Variants in DNAH14 observed in about 807,000 individuals in gnomAD.
DNAH14 encodes the protein dynein axonemal heavy chain 14.
Under a neutral mutation model 520.9 loss-of-function variants are expected in DNAH14, and 478 were observed. The ratio of observed to expected loss-of-function variants is 0.92; its 90% CI spans 0.85 to 0.99. DNAH14 has a LOEUF of 0.99. Ranked by LOEUF, DNAH14 falls within the 50% of genes least tolerant of loss-of-function variation. The pLI is 0.00. For synonymous variants in DNAH14, 1,581 were observed against 1,757.2 expected (o/e 0.90, Z 2.51); for missense variants, 4,831 against 5,234.5 (o/e 0.92, Z 2.38).
At chr1:225,304,081 A>G (rs2094193371) in intron 57 of DNAH14, among the ~76,000 whole-genome samples, 1 of 152,206 alleles carries the variant, frequency 6.6e-6, no homozygotes, top group South Asian at 2.1e-4. Flanking sequence ...GAGATGAATC[A>G]TCAGGACTAG....
chr1:225,043,049 A>T lies in DNAH14; in HGVS notation c.1703A>T (p.Glu568Val), dbSNP rs748925888. ...KDNCVKKHSS[E>V]ELLPKAKKSK... ...AATTGTGTCAAAAAACACTCAAGTG[A>T]AGAATTGCTCCCAAAAGCCAAGAAA... The change falls in exon 13 of 86, where the codon GAA becomes GTA. Residue 568 changes from glutamate (E) to valine (V), a missense_variant. Physicochemically the swap from Glu to Val is moderately radical, Grantham distance 121. Coordinates refer to ENST00000682510, the MANE Select transcript of DNAH14 (RefSeq NM_001367479.1). 94 of 1,551,604 alleles carry T rather than the reference A, an allele frequency of 6.1e-5. No homozygotes were observed. The highest frequency in any genetic ancestry group is 3.1e-4 in the South Asian group (26 of 84,062).
chr1:225,023,921 G>A, intron 11 of DNAH14, 56 bp downstream of exon 11: 2 of 1,467,900 alleles, frequency 1.4e-6, no homozygotes, highest in East Asian at 2.5e-5. Flanking sequence ...TTTTAACATT[G>A]CCACATATGG....
At chr1:225,065,464 A>G (rs1171805051) in intron 17 of DNAH14, among the ~76,000 whole-genome samples, 4 of 151,210 alleles carry the variant, frequency 2.6e-5, no homozygotes, top group Admixed American at 1.3e-4. Context: ...ACAACAACAC[A>G]CAAATCTTAC....
At chr1:225,283,825 C>T (rs181742752) in intron 54 of DNAH14, among the ~76,000 whole-genome samples, 8 of 152,052 alleles carry the variant, frequency 5.3e-5, no homozygotes, top group South Asian at 2.1e-4. Context: ...TGAAATCATA[C>T]GAAGTATGTT....
Position 225,147,206 on chromosome 1 carries a change from C to T in DNAH14, c.4897C>T (p.Gln1633Ter), listed in dbSNP as rs1401821688. The T allele has an allele frequency of 4.5e-6, 7 of 1,550,130 alleles. No individual in the cohort carries two copies. In the African/African-American group the frequency reaches 8.2e-5, roughly 18 times the overall value. ...GGAAGTTCTCTCTGTCATTGCCTCA[C>T]AGATCCTAACAATTAAGGCTGCAAA... ...DLEVLSVIAS[Q>*]ILTIKAAKDN... Residue 1633 changes from glutamine (Q) to a stop codon, truncating the protein, a stop_gained, in exon 31 of 86, where the codon CAG becomes TAG. Transcript: ENST00000682510. LOFTEE classifies it high-confidence loss of function.
At chr1:225,151,375 C>G (rs2080486576) in intron 31 of DNAH14, among the ~76,000 whole-genome samples, 1 of 152,084 alleles carries the variant, frequency 6.6e-6, no homozygotes, top group Non-Finnish European at 1.5e-5. Flanking sequence ...TCTTCTACAC[C>G]TCATCCTCTG....
chr1:225,006,925 G>A (rs1278679265), intron 9 of DNAH14, among the ~76,000 whole-genome samples: 5 of 152,134 alleles, frequency 3.3e-5, no homozygotes, highest in Non-Finnish European at 7.4e-5. Flanking sequence ...ACCCCCAGAG[G>A]CCCAGCTGTA....
intron 36 of DNAH14, among the ~76,000 whole-genome samples, chr1:225,177,528 C>T (rs1360252708): frequency 6.6e-6 from 1 of 152,176 alleles, no homozygotes; most frequent in Non-Finnish European, 1.5e-5. Context: ...GTTCCCATCA[C>T]AGGCCTGGAG....
intron 56 of DNAH14, 30 bp downstream of exon 56, chr1:225,301,060 T>A: frequency 6.5e-7 from 1 of 1,535,228 alleles, no homozygotes; most frequent in Non-Finnish European, 8.8e-7. Flanking sequence ...CTTTATCAAA[T>A]TGTCATGTTA....
At chr1:225,267,691 T>A (rs957427115) in intron 49 of DNAH14, among the ~76,000 whole-genome samples, 1 of 152,124 alleles carries the variant, frequency 6.6e-6, no homozygotes, top group Non-Finnish European at 1.5e-5. Context: ...CAGAACTGAC[T>A]GCCACTTAAA....
intron 54 of DNAH14, among the ~76,000 whole-genome samples, chr1:225,279,279 T>C (rs2093570606): frequency 2.6e-5 from 4 of 152,220 alleles, no homozygotes; most frequent in Admixed American, 2.6e-4. Context: ...AGTGCTGGGA[T>C]TACAGGTGTG....
chr1:225,130,200 AAC>A (rs778717361), intron 27 of DNAH14, among the ~76,000 whole-genome samples: 13 of 151,762 alleles, frequency 8.6e-5, no homozygotes, highest in Non-Finnish European at 1.0e-4. Flanking sequence ...GAGAAATAGG[AAC>A]ACTTTTACAC....
chr1:224,967,557 G>T lies in DNAH14; in HGVS notation c.625G>T (p.Val209Phe), dbSNP rs781509822. ...HTAKHCKEFW[V>F]ITASFISKVI... ...TGCTAAACATTGCAAAGAATTTTGGGTTATTACTGCTTCATTTATCTCAAA... is the reference window on the plus strand; with the variant it reads ...TGCTAAACATTGCAAAGAATTTTGGTTTATTACTGCTTCATTTATCTCAAA... The change falls in exon 6 of 86, where the codon GTT becomes TTT. Residue 209 changes from valine (V) to phenylalanine (F), a missense_variant. Physicochemically the swap from Val to Phe is conservative, Grantham distance 50. Transcript: ENST00000682510. 1 of 1,601,886 alleles carries T rather than the reference G, an allele frequency of 6.2e-7. No homozygotes were observed. The highest frequency in any genetic ancestry group is 1.1e-5 in the South Asian group (1 of 88,250).
At chr1:225,153,265 C>T (rs1226100067) in intron 33 of DNAH14, among the ~76,000 whole-genome samples, 1 of 152,152 alleles carries the variant, frequency 6.6e-6, no homozygotes, top group Non-Finnish European at 1.5e-5. Flanking sequence ...CTGGGCCTTA[C>T]TCCTGAGTTT....
rs61738690 is a variant in DNAH14 at position 225,392,391 on chromosome 1, G to C, written c.13431G>C (p.Lys4477Asn). ...ATGTGATTTCCAACACCACTGACAA[G>C]GATGAGAAGTTCTCCGTATTTATGC... Reference protein sequence around the residue: ...THHVISNTTDKDEKFSVFMPK... With the variant: ...THHVISNTTDNDEKFSVFMPK... Residue 4477 changes from lysine (K) to asparagine (N), a missense_variant, in exon 84 of 86, where the codon AAG becomes AAC. Lys to Asn is a moderately conservative substitution (Grantham distance 94). Transcript: ENST00000682510. The C allele has an allele frequency of 0.048, 74,396 of 1,552,092 alleles. 1,962 individuals are homozygous for C. Among genetic ancestry groups the C allele is most frequent in the South Asian group, 0.056 (4,720 of 84,058 alleles).
chr1:225,001,822 C>T (rs1029193966), intron 8 of DNAH14, among the ~76,000 whole-genome samples: 1 of 152,062 alleles, frequency 6.6e-6, no homozygotes, highest in African/African-American at 2.4e-5. Context: ...AGCATAATCT[C>T]TTTTTCTGTA....
intron 36 of DNAH14, among the ~76,000 whole-genome samples, chr1:225,171,482 C>G (rs770841148): frequency 1.3e-5 from 2 of 152,174 alleles, no homozygotes; most frequent in African/African-American, 2.4e-5. Context: ...TCAGAGAATA[C>G]TATAAACACC....
At chr1:225,078,828 CTCTCTCTCTCTCT>C (rs2072678094) in intron 17 of DNAH14, among the ~76,000 whole-genome samples, 1 of 54,934 alleles carries the variant, frequency 1.8e-5, no homozygotes, top group East Asian at 4.5e-4. Flanking sequence ...CTCTCTCCCT[CTCTCTCTCTCTCT>C]CCCTCTCTCT....
chr1:225,356,970 A>C (rs73136938), intron 73 of DNAH14, among the ~76,000 whole-genome samples: 7,937 of 152,232 alleles, frequency 0.052, 665 homozygotes, highest in African/African-American at 0.18. Context: ...TGTTGAGTGT[A>C]CATATAGGAA....
Sources: gnomAD v4.1 joint callset for allele counts (sites outside exome capture counted in the v4.1 genomes callset) on GRCh38, gnomAD v4.1.1 for gene constraint, MANE v1.5 for transcripts, NCBI Gene and HGNC (gene_info 2026-07-23, HGNC 2026-07-21) for gene names.